The following ZBTB16 variants were observed in gnomAD, a reference collection of about 807,000 sequenced individuals.
ZBTB16 encodes the protein zinc finger and BTB domain-containing protein 16.
A neutral mutation model predicts 56.8 loss-of-function variants in ZBTB16; 8 were observed. That is an observed-to-expected ratio of 0.14 (90% CI 0.08 to 0.25). The LOEUF (loss-of-function observed/expected upper bound fraction) is 0.25, where lower values mean the gene tolerates loss of function less well. Ranked by LOEUF, ZBTB16 falls within the 10% of genes least tolerant of loss-of-function variation. ZBTB16 has a pLI of 1.00. For missense variants in ZBTB16, 625 were observed against 903.0 expected (o/e 0.69, Z 3.95); for synonymous variants, 363 against 368.5 (o/e 0.98, Z 0.17).
intron 2 of ZBTB16, among the ~76,000 whole-genome samples, chr11:114,150,515 A>T (rs1053806896): frequency 6.6e-6 from 1 of 152,212 alleles, no homozygotes; most frequent in African/African-American, 2.4e-5. Context: ...GAATGGACTG[A>T]ATATGGAAAC....
chr11:114,240,037 C>T (rs947665247), intron 4 of ZBTB16, among the ~76,000 whole-genome samples: 6 of 152,218 alleles, frequency 3.9e-5, no homozygotes, highest in Non-Finnish European at 5.9e-5. Context: ...CCTAGCATAA[C>T]GCCTAGATTC....
chr11:114,102,208 A>G (rs997415635), intron 2 of ZBTB16, among the ~76,000 whole-genome samples: 1 of 151,838 alleles, frequency 6.6e-6, no homozygotes, highest in African/African-American at 2.4e-5. Flanking sequence ...CTCAGTAGCT[A>G]TTTACCTTTA....
At chr11:114,105,489 C>T (rs938912417) in intron 2 of ZBTB16, among the ~76,000 whole-genome samples, 2 of 152,194 alleles carry the variant, frequency 1.3e-5, no homozygotes, top group Non-Finnish European at 2.9e-5. Flanking sequence ...ATCCACCAGC[C>T]TTGGCATCCC....
At chr11:114,094,489 A>G (rs12576301) in intron 2 of ZBTB16, among the ~76,000 whole-genome samples, 5,712 of 152,262 alleles carry the variant, frequency 0.038, 154 homozygotes, top group Admixed American at 0.083. Context: ...ATGGATTGCA[A>G]TGCTGTGGCT....
chr11:114,167,453 A>G (rs1942816389), intron 3 of ZBTB16, among the ~76,000 whole-genome samples: 1 of 139,444 alleles, frequency 7.2e-6, no homozygotes, highest in Non-Finnish European at 1.5e-5. Flanking sequence ...TTAAAAATAG[A>G]TGCCTTGAGG....
intron 4 of ZBTB16, among the ~76,000 whole-genome samples, chr11:114,222,502 TG>T (rs1944248173): frequency 6.6e-6 from 1 of 152,140 alleles, no homozygotes; most frequent in Non-Finnish European, 1.5e-5. Context: ...AGGGATCCTT[TG>T]TCCGGGAGCT....
At chr11:114,114,890 C>A (rs1591680040) in intron 2 of ZBTB16, among the ~76,000 whole-genome samples, 1 of 151,918 alleles carries the variant, frequency 6.6e-6, no homozygotes, top group Non-Finnish European at 1.5e-5. Context: ...GCCATGTTGC[C>A]CAGGCTGGTC....
rs1945013879 is a variant in ZBTB16, at chr11:114,256,298, T to C, written c.*5743T>C. Among the ~76,000 whole-genome samples the C allele has an allele frequency of 6.6e-6, 1 of 152,226 alleles. No individual in the cohort carries two copies. The highest frequency in any genetic ancestry group is 2.1e-4 in the South Asian group (1 of 4,838). ...GTTCACTTATTCAGCAAGACCACCA[T>C]GTACCAGTTACTGTTGTCGGCGCTG... On this transcript the variant is annotated 3_prime_UTR_variant, in exon 7 of 7. Transcript: ENST00000335953.
intron 4 of ZBTB16, among the ~76,000 whole-genome samples, chr11:114,214,103 C>T (rs187998277): frequency 4.9e-4 from 75 of 152,114 alleles, no homozygotes; most frequent in Middle Eastern, 3.4e-3. Context: ...CTGGGTGGTG[C>T]GTGGAGAGGA....
chr11:114,079,784 G>A (rs1484511726), intron 2 of ZBTB16, among the ~76,000 whole-genome samples: 1 of 152,210 alleles, frequency 6.6e-6, no homozygotes, highest in Non-Finnish European at 1.5e-5. Context: ...CAGCACTGGG[G>A]TGAGTGTTGG....
chr11:114,246,827 G>C (rs1422406374), intron 5 of ZBTB16: 3 of 286,234 alleles, frequency 1.0e-5, no homozygotes, highest in African/African-American at 2.2e-5. Flanking sequence ...TCAGGCTGGA[G>C]TGACTTTCAC....
intron 2 of ZBTB16, among the ~76,000 whole-genome samples, chr11:114,146,455 T>C (rs1447768935): frequency 1.3e-5 from 2 of 152,112 alleles, no homozygotes; most frequent in African/African-American, 4.8e-5. Context: ...ATGGGCTCTA[T>C]ACTGTCCATG....
At chr11:114,210,785 G>A (rs956555371) in intron 4 of ZBTB16, 2 of 218,216 alleles carry the variant, frequency 9.2e-6, no homozygotes, top group Admixed American at 5.8e-5. Flanking sequence ...GTGGGTTAAA[G>A]GACAGAGATG....
At chr11:114,225,635 A>G (rs1944314278) in intron 4 of ZBTB16, among the ~76,000 whole-genome samples, 1 of 151,348 alleles carries the variant, frequency 6.6e-6, no homozygotes. Flanking sequence ...CACAGCCCCC[A>G]TGACCCAAAC....
At chr11:114,175,291 C>CA (rs961354202) in intron 3 of ZBTB16, among the ~76,000 whole-genome samples, 1 of 152,216 alleles carries the variant, frequency 6.6e-6, no homozygotes, top group African/African-American at 2.4e-5. Context: ...AATAAGGAGT[C>CA]ACAATGCTGC....
intron 4 of ZBTB16, among the ~76,000 whole-genome samples, chr11:114,206,231 C>G (rs1943868975): frequency 6.6e-6 from 1 of 152,164 alleles, no homozygotes; most frequent in Non-Finnish European, 1.5e-5. Flanking sequence ...AATTAGGGGT[C>G]CTAGAATTCT....
At chr11:114,211,104 A>G (rs1024603739) in intron 4 of ZBTB16, among the ~76,000 whole-genome samples, 1 of 152,112 alleles carries the variant, frequency 6.6e-6, no homozygotes. Flanking sequence ...TATTTTTAGT[A>G]GAGACAGTGG....
intron 2 of ZBTB16, among the ~76,000 whole-genome samples, chr11:114,124,672 G>T (rs1350501284): frequency 2.0e-5 from 3 of 151,926 alleles, no homozygotes; most frequent in Non-Finnish European, 4.4e-5. Flanking sequence ...AGCATCTCTT[G>T]GCCATATCCC....
intron 4 of ZBTB16, among the ~76,000 whole-genome samples, chr11:114,240,647 A>G (rs1335043239): frequency 1.3e-5 from 2 of 152,158 alleles, no homozygotes; most frequent in African/African-American, 4.8e-5. Context: ...AAGGGTGGGC[A>G]CTGAGCTGCC....
Sources: allele counts gnomAD v4.1 joint callset (sites outside exome capture counted in the v4.1 genomes callset), GRCh38; gene constraint gnomAD v4.1.1; transcripts MANE v1.5; gene names NCBI Gene and HGNC (gene_info 2026-07-23, HGNC 2026-07-21).